The following CFAP251 variants were observed in gnomAD, a reference collection of about 807,000 sequenced individuals.
CFAP251 encodes cilia and flagella associated protein 251, also known as cilia- and flagella-associated protein 251.
A neutral mutation model predicts 126.7 loss-of-function variants in CFAP251; 93 were observed. That is an observed-to-expected ratio of 0.73 (90% CI 0.62 to 0.87). The LOEUF is 0.87. CFAP251 is among the 40% of genes least tolerant of loss of function. The probability of loss-of-function intolerance (pLI) is 0.00; values close to 1 mark genes in which losing one functional copy is unlikely to be tolerated. For missense variants in CFAP251, 1,287 were observed against 1,389.2 expected (o/e 0.93, Z 1.17); for synonymous variants, 503 against 506.9 (o/e 0.99, Z 0.10).
In CFAP251 at chr12:121,974,578, G is replaced by A. The variant is rs1388362266; in HGVS notation, c.2772-666G>A. Among the ~76,000 whole-genome samples, 1 of 152,164 alleles carries A rather than the reference G, an allele frequency of 6.6e-6. No individual in the cohort carries two copies. The highest frequency in any genetic ancestry group is 2.4e-5 in the African/African-American group (1 of 41,432). On this transcript the variant is annotated intron_variant, in intron 17 of 21. Coordinates refer to ENST00000288912, the MANE Select transcript of CFAP251 (RefSeq NM_144668.6). This position sits in a 1 kb window ranked among gnomAD's most constrained non-coding sequence, Gnocchi z 4.6. ...GTGGTCTACATGAGGTGTGCTTGAT[G>A]TCGCAGCAAAAAGGCTAATCACCCG...
At chr12:121,998,432 A>AAT (rs71082926) in intron 19 of CFAP251, 56 of 85,580 alleles carry the variant, frequency 6.5e-4, no homozygotes, top group Non-Finnish European at 7.6e-4. Flanking sequence ...TTTTTAGTGT[A>AAT]ATATATATAT....
Position 121,962,075 on chromosome 12 carries a change from A to G in CFAP251, c.2405A>G (p.Tyr802Cys), listed in dbSNP as rs1881958118. 6.2e-7 allele frequency: 1 copy of G among 1,613,856 alleles called. No homozygotes were observed. Among genetic ancestry groups the G allele is most frequent in the Non-Finnish European group, 8.5e-7 (1 of 1,180,024 alleles). Reference sequence around the variant, plus strand: ...TGCTATCCCACCTGCATGGTCTGGTACCCACCACTCACCAGGGAACTCTTC... The same window carrying G: ...TGCTATCCCACCTGCATGGTCTGGTGCCCACCACTCACCAGGGAACTCTTC... ...QGCYPTCMVW[Y>C]PPLTRELFLL... Residue 802 changes from tyrosine (Y) to cysteine (C), a missense_variant, in exon 15 of 22, where the codon TAC (tyrosine) becomes TGC (cysteine). Physicochemically the swap from Tyr to Cys is radical, Grantham distance 194. Coordinates refer to ENST00000288912, the MANE Select transcript of CFAP251 (RefSeq NM_144668.6).
chr12:121,979,563 C>CTTTTTTTTTT (rs71082922), intron 19 of CFAP251, among the ~76,000 whole-genome samples: 3,894 of 84,786 alleles, frequency 0.046, 606 homozygotes, highest in East Asian at 0.15. Context: ...CTTTCTTCTT[C>CTTTTTTTTTT]TTTTTTTTTT....
intron 19 of CFAP251, among the ~76,000 whole-genome samples, chr12:121,982,756 C>T (rs567969413): frequency 2.2e-4 from 34 of 152,184 alleles, no homozygotes; most frequent in East Asian, 2.1e-3. Flanking sequence ...GCCCACGTGT[C>T]GCACAAAATA....
Position 121,943,122 on chromosome 12 carries a change from G to A in CFAP251, c.1191+147G>A, listed in dbSNP as rs1355546048. 4 of 751,006 alleles carry A rather than the reference G, an allele frequency of 5.3e-6. No homozygotes were observed. The Admixed American group carries it at 1.0e-4, about 19-fold the overall frequency. The allele number at this position is 751,006 out of a possible 1,614,324, so 46.5% of individuals were successfully genotyped here. ...GAGGTCAGGAGTTCAAGGCCAGCCT[G>A]GCCAACACAGTGAAACCCTGTCTCT... is the stretch of plus-strand genomic sequence containing the variant. On this transcript the variant is annotated intron_variant, in intron 7 of 21. Coordinates refer to ENST00000288912, the MANE Select transcript of CFAP251 (RefSeq NM_144668.6).
In CFAP251 at chr12:121,997,751, G is replaced by GTTTTT. The variant is rs199652481; in HGVS notation, c.3007-1962_3007-1961insTTTTT. On this transcript the variant is annotated intron_variant, in intron 19 of 21. Transcript: ENST00000288912. ...TGCTAGTGTGTAAAGAAATACAATA[G>GTTTTT]TTTGTTTTTTTTTTTTTGAGTTAGA... is the stretch of plus-strand genomic sequence containing the variant. 1.6e-3 allele frequency: 236 copies of GTTTTT among 146,612 alleles called. 2 individuals carry two copies. The East Asian group carries it at 0.028, about 18-fold the overall frequency. The allele number at this position is 146,612 out of a possible 1,614,324, so 9.1% of individuals were successfully genotyped here.
At chr12:122,000,793 TTCTC>T (rs1223267870) in intron 20 of CFAP251, among the ~76,000 whole-genome samples, 2 of 152,050 alleles carry the variant, frequency 1.3e-5, no homozygotes, top group African/African-American at 4.8e-5. Flanking sequence ...GCTGTCCTAT[TTCTC>T]TATGCCAGCC....
intron 16 of CFAP251, 26 bp downstream of exon 16, chr12:121,967,095 TG>T: frequency 6.3e-7 from 1 of 1,593,872 alleles, no homozygotes; most frequent in Non-Finnish European, 8.6e-7. Context: ...TCTCCAGTTC[TG>T]GGAGTTGACT....
chr12:122,001,348 G>A (rs1057066740), intron 20 of CFAP251, 149 bp from the exon 21 acceptor site: 11 of 696,462 alleles, frequency 1.6e-5, no homozygotes, highest in Non-Finnish European at 2.5e-5. Context: ...GAGCCACCAC[G>A]CCCAGCCTAA....
At chr12:121,921,735 A>T in intron 2 of CFAP251, 52 bp downstream of exon 2, 1 of 1,544,812 alleles carries the variant, frequency 6.5e-7, no homozygotes, top group East Asian at 2.3e-5. Context: ...CATTAGTTGA[A>T]TGCTTAGTAT....
chr12:121,985,826 G>C (rs1211557006), intron 19 of CFAP251, among the ~76,000 whole-genome samples: 1 of 151,976 alleles, frequency 6.6e-6, no homozygotes, highest in Non-Finnish European at 1.5e-5. Context: ...GATATCCATT[G>C]ATAGGAGATG....
At chr12:122,001,470 A>T in intron 20 of CFAP251, 27 bp from the exon 21 acceptor site, 1 of 1,584,948 alleles carries the variant, frequency 6.3e-7, no homozygotes, top group Non-Finnish European at 8.7e-7. Flanking sequence ...GAGTTAAACA[A>T]TCACCTTCTC....
intron 7 of CFAP251, among the ~76,000 whole-genome samples, chr12:121,943,768 A>C (rs1881218233): frequency 6.6e-6 from 1 of 152,124 alleles, no homozygotes; most frequent in South Asian, 2.1e-4. Context: ...ATCTTGTTTT[A>C]CTTGAATATA....
At chr12:121,919,122 T>G (rs1411185963) in intron 1 of CFAP251, among the ~76,000 whole-genome samples, 1 of 31,894 alleles carries the variant, frequency 3.1e-5, no homozygotes, top group Non-Finnish European at 6.2e-5. Context: ...CATTCATTAT[T>G]TATTTATTAT....
chr12:121,942,805 T>C (rs1255263439), intron 6 of CFAP251, 90 bp from the exon 7 acceptor site: 1 of 1,447,802 alleles, frequency 6.9e-7, no homozygotes, highest in African/African-American at 1.4e-5. Context: ...CCTTAGTTAC[T>C]TGAAGTTTTG....
chr12:122,001,648 T>C, intron 21 of CFAP251, 50 bp downstream of exon 21: 1 of 1,420,640 alleles, frequency 7.0e-7, no homozygotes, highest in Non-Finnish European at 1.0e-6. Context: ...CACTGATTTG[T>C]TGTAGACTTC....
At position 121,942,515 on chromosome 12, in the gene CFAP251, C is replaced by T. The variant is rs377664219; in HGVS notation, c.999-19C>T. ...AGGGAGACCTCAGCAAGTGTCGCCC[C>T]CCTTGTCCTGTTTTGCAGTATTCCT... On this transcript the variant is annotated intron_variant, in intron 5 of 21. Transcript: ENST00000288912. 3 of 1,595,462 alleles carry T rather than the reference C, an allele frequency of 1.9e-6. No individual in the cohort carries two copies. The African/African-American group carries it at 4.0e-5, about 21-fold the overall frequency.
In CFAP251 at chr12:121,967,040, C is replaced by T. The variant is rs146415200; in HGVS notation, c.2578C>T (p.Arg860Cys). 12,701 of 1,614,148 alleles carry T rather than the reference C, an allele frequency of 7.9e-3. 56 individuals carry two copies. The highest frequency in any genetic ancestry group is 9.8e-3 in the Non-Finnish European group (11,517 of 1,179,974). The change falls in exon 16 of 22, where the codon CGC becomes TGC. Residue 860 changes from arginine (R) to cysteine (C), a missense_variant. Arg to Cys is a radical substitution (Grantham distance 180, BLOSUM62 -3). Transcript: ENST00000288912. ...PVRSMAELQK[R>C]YLVFINRDKV... Reference sequence around the variant, plus strand: ...GAGAAGCATGGCGGAGCTACAGAAACGCTACTTGGTGTTTATTAACAGAGA... The same window carrying T: ...GAGAAGCATGGCGGAGCTACAGAAATGCTACTTGGTGTTTATTAACAGAGA...
At chr12:121,929,670 C>A (rs1355104328) in intron 3 of CFAP251, among the ~76,000 whole-genome samples, 1 of 151,552 alleles carries the variant, frequency 6.6e-6, no homozygotes. Context: ...TGAGCCCTGG[C>A]AACCACTGAT....
Sources: allele counts gnomAD v4.1 joint callset (sites outside exome capture counted in the v4.1 genomes callset), GRCh38; gene constraint gnomAD v4.1.1; non-coding constraint Gnocchi (gnomAD v3.1); transcripts MANE v1.5; gene names NCBI Gene and HGNC (gene_info 2026-07-23, HGNC 2026-07-21).